The following RBFOX1 variants were observed in gnomAD, a reference collection of about 807,000 sequenced individuals.
RBFOX1 encodes the protein RNA binding protein fox-1 homolog 1.
In RBFOX1, 8 loss-of-function variants were observed where a neutral mutation model predicts 57.7. The ratio of observed to expected loss-of-function variants is 0.14; its 90% CI spans 0.08 to 0.25. The LOEUF is 0.25. RBFOX1 is among the 10% of genes least tolerant of loss of function. The probability of loss-of-function intolerance (pLI) is 1.00; values close to 1 mark genes in which losing one functional copy is unlikely to be tolerated. For synonymous variants in RBFOX1, 326 were observed against 222.4 expected, an observed-to-expected ratio of 1.47 and a Z score of -4.15; for missense variants, 611 against 548.5, an observed-to-expected ratio of 1.11 and a Z score of -1.14.
At chr16:6,535,025 C>G (rs955477936) in intron 2 of RBFOX1, among the ~76,000 whole-genome samples, 9 of 152,184 alleles carry the variant, frequency 5.9e-5, no homozygotes, top group African/African-American at 1.9e-4. Context: ...ATTCATGACA[C>G]AGGTCTGCTA....
chr16:5,543,946 C>T (rs747902967), intron 2 of RBFOX1, among the ~76,000 whole-genome samples: 2 of 152,128 alleles, frequency 1.3e-5, no homozygotes, highest in Non-Finnish European at 2.9e-5. Flanking sequence ...GAAATAACTG[C>T]AAGGAGAAAT....
chr16:6,856,597 G>A (rs970246962), intron 3 of RBFOX1, among the ~76,000 whole-genome samples: 2 of 152,114 alleles, frequency 1.3e-5, no homozygotes, highest in Non-Finnish European at 2.9e-5. Flanking sequence ...TCAGGCCACC[G>A]TGGAATTCAT....
chr16:7,347,779 C>T (rs1568339109), intron 4 of RBFOX1, among the ~76,000 whole-genome samples: 2 of 152,160 alleles, frequency 1.3e-5, no homozygotes, highest in African/African-American at 2.4e-5. Context: ...CCGAGACCCC[C>T]ATGTATTTGC....
chr16:7,192,310 A>G (rs1018503463), intron 4 of RBFOX1, among the ~76,000 whole-genome samples: 10 of 152,172 alleles, frequency 6.6e-5, no homozygotes, highest in Non-Finnish European at 1.3e-4. Context: ...GGAAAATGTC[A>G]TATTCAGTGG....
chr16:7,500,492 G>A (rs1217986038), intron 4 of RBFOX1, among the ~76,000 whole-genome samples: 1 of 152,160 alleles, frequency 6.6e-6, no homozygotes, highest in Non-Finnish European at 1.5e-5. Context: ...AGATAGAAAT[G>A]GAGGAAACGT....
chr16:6,068,089 CTTCA>C (rs1228440387), intron 1 of RBFOX1, among the ~76,000 whole-genome samples: 1 of 119,964 alleles, frequency 8.3e-6, no homozygotes. Flanking sequence ...ATATTAGGCT[CTTCA>C]TTCATTTTTT....
chr16:6,421,285 G>C (rs1247004320), intron 2 of RBFOX1, among the ~76,000 whole-genome samples: 3 of 152,224 alleles, frequency 2.0e-5, no homozygotes, highest in African/African-American at 7.2e-5. Flanking sequence ...CTCTATGGGA[G>C]AAGGAGTCTT....
intron 4 of RBFOX1, among the ~76,000 whole-genome samples, chr16:7,253,994 G>A (rs1404710741): frequency 1.3e-5 from 2 of 152,130 alleles, no homozygotes; most frequent in South Asian, 2.1e-4. Context: ...TTGAAAATAC[G>A]TTATGGTGTT....
At chr16:7,038,958 A>G (rs554533148) in intron 3 of RBFOX1, among the ~76,000 whole-genome samples, 20 of 152,316 alleles carry the variant, frequency 1.3e-4, no homozygotes, top group Admixed American at 1.1e-3. Flanking sequence ...GATAACCAAC[A>G]CTTGAATCTC....
At chr16:5,749,075 A>C (rs940167317) in intron 3 of RBFOX1, among the ~76,000 whole-genome samples, 1 of 152,162 alleles carries the variant, frequency 6.6e-6, no homozygotes, top group African/African-American at 2.4e-5. Context: ...GGTGGTGACA[A>C]AATCTCTCAG....
At chr16:6,599,555 A>G (rs2097823275) in intron 2 of RBFOX1, among the ~76,000 whole-genome samples, 1 of 152,188 alleles carries the variant, frequency 6.6e-6, no homozygotes, top group Admixed American at 6.5e-5. Flanking sequence ...CAAGCCAGTA[A>G]CAAAACTCCT....
intron 11 of RBFOX1, among the ~76,000 whole-genome samples, chr16:7,647,746 G>C (rs2064033628): frequency 6.6e-6 from 1 of 151,942 alleles, no homozygotes; most frequent in South Asian, 2.1e-4. Context: ...GTTTCCACTG[G>C]GCATTTTGCA....
At chr16:6,435,361 T>A (rs1386449619) in intron 2 of RBFOX1, among the ~76,000 whole-genome samples, 42 of 152,154 alleles carry the variant, frequency 2.8e-4, no homozygotes, top group Admixed American at 2.7e-3. Flanking sequence ...AGGGCAGTAG[T>A]GTGATCTCGG....
At chr16:5,274,574 G>A (rs984764229) in intron 1 of RBFOX1, among the ~76,000 whole-genome samples, 7 of 152,132 alleles carry the variant, frequency 4.6e-5, no homozygotes, top group Non-Finnish European at 1.0e-4. Flanking sequence ...TAGGATGAAA[G>A]CTTCCAAGTC....
intron 1 of RBFOX1, among the ~76,000 whole-genome samples, chr16:6,063,760 G>C (rs897003214): frequency 1.4e-4 from 21 of 152,158 alleles, no homozygotes; most frequent in Non-Finnish European, 1.9e-4. Context: ...CTGATGTCTT[G>C]TTCCCTCTTG....
At chr16:6,186,149 A>G (rs2097103778) in intron 1 of RBFOX1, among the ~76,000 whole-genome samples, 1 of 152,198 alleles carries the variant, frequency 6.6e-6, no homozygotes, top group African/African-American at 2.4e-5. Context: ...TGTAAACTCA[A>G]CAAAACAATG....
Position 5,309,721 on chromosome 16 carries a change from T to C in RBFOX1, c.219+69616T>C, listed in dbSNP as rs140206734. 3.9e-5 allele frequency among the ~76,000 whole-genome samples: 6 copies of C among 152,308 alleles called. No individual in the cohort carries two copies. In the East Asian group the frequency reaches 1.2e-3, roughly 29 times the overall value. On this transcript the variant is annotated intron_variant, in intron 1 of 2. Transcript: ENST00000585867. ...AATGTCATTTAGTGCTTTTCAATTA[T>C]GATTATAGAGAGTATAATTTTATAA...
intron 2 of RBFOX1, among the ~76,000 whole-genome samples, chr16:6,376,546 C>T (rs1162485023): frequency 1.3e-5 from 2 of 152,166 alleles, no homozygotes; most frequent in African/African-American, 4.8e-5. Context: ...AGCTGCCTCA[C>T]TCCTAACCTC....
intron 4 of RBFOX1, among the ~76,000 whole-genome samples, chr16:7,507,515 AG>A (rs2073713575): frequency 6.6e-6 from 1 of 150,696 alleles, no homozygotes; most frequent in African/African-American, 2.4e-5. Flanking sequence ...ATTCTGAGGC[AG>A]TAGGTCTGGT....
Sources: allele counts gnomAD v4.1 joint callset (sites outside exome capture counted in the v4.1 genomes callset), GRCh38; gene constraint gnomAD v4.1.1; transcripts MANE v1.5; gene names NCBI Gene and HGNC (gene_info 2026-07-23, HGNC 2026-07-21).